Variants in NOTCH2 observed in about 807,000 individuals in gnomAD.
NOTCH2 encodes the protein neurogenic locus notch homolog protein 2.
A neutral mutation model predicts 235.8 loss-of-function variants in NOTCH2; 29 were observed. That is an observed-to-expected ratio of 0.12 (90% confidence interval 0.09 to 0.17). NOTCH2 has a LOEUF of 0.17. Ranked by LOEUF, NOTCH2 falls within the 10% of genes least tolerant of loss-of-function variation. The pLI is 1.00. For synonymous variants in NOTCH2, 1,086 were observed against 1,141.5 expected (o/e 0.95, Z 0.98); for missense variants, 2,285 against 3,150.2 (o/e 0.73, Z 6.57).
chr1:120,006,748 C>G (rs587707592), intron 2 of NOTCH2, among the ~76,000 whole-genome samples: 2 of 151,850 alleles, frequency 1.3e-5, no homozygotes, highest in African/African-American at 4.8e-5. Context: ...CTCTAAATCC[C>G]CCTCTCAAAA....
chr1:119,927,722 T>A (rs1649521341), intron 23 of NOTCH2, among the ~76,000 whole-genome samples: 1 of 152,202 alleles, frequency 6.6e-6, no homozygotes, highest in Non-Finnish European at 1.5e-5. Context: ...GCTTTCAAAG[T>A]GCAGTTTGGC....
chr1:119,971,312 C>T (rs1651352303), intron 5 of NOTCH2, among the ~76,000 whole-genome samples: 1 of 152,196 alleles, frequency 6.6e-6, no homozygotes, highest in Admixed American at 6.5e-5. Flanking sequence ...CCCTTCCATG[C>T]TCTTCTCCTA....
At chr1:120,047,638 C>T (rs1221418096) in intron 1 of NOTCH2, among the ~76,000 whole-genome samples, 5 of 141,938 alleles carry the variant, frequency 3.5e-5, no homozygotes, top group Non-Finnish European at 6.1e-5. Context: ...AAGCCAACAT[C>T]GCACCACTGC....
rs1227745892 is a variant in NOTCH2 at position 120,045,987 on chromosome 1, G to A, written c.74-16000C>T. Among the ~76,000 whole-genome samples, 8 of 152,328 alleles carry A rather than the reference G, an allele frequency of 5.3e-5. No homozygotes were observed. In the East Asian group the frequency reaches 1.3e-3, roughly 26 times the overall value. ...TAAGCTTTACTTAGAGTTAACATAT[G>A]CATACATGGTTTAATAGCCAGACAT... On this transcript the variant is annotated intron_variant, in intron 1 of 33. Transcript: ENST00000256646.
chr1:119,948,277 T>C (rs1650332677), intron 17 of NOTCH2, 137 bp downstream of exon 17: 2 of 870,026 alleles, frequency 2.3e-6, no homozygotes, highest in Non-Finnish European at 3.8e-6. Flanking sequence ...GTTAAAACAC[T>C]ACTGTTAAAT....
rs587599957 is a variant in NOTCH2 at position 119,971,294 on chromosome 1, C to A, written c.875-1550G>T. Among the ~76,000 whole-genome samples the A allele has an allele frequency of 1.6e-4, 25 of 152,334 alleles. No homozygotes were observed. The East Asian group carries it at 4.4e-3, about 27-fold the overall frequency. ...GTGGATGTCTCCGGAACTCCGTGCTCGGCATAACCCTTCCATGCTCTTCTC... is the reference window on the plus strand; with the variant it reads ...GTGGATGTCTCCGGAACTCCGTGCTAGGCATAACCCTTCCATGCTCTTCTC... On this transcript the variant is annotated intron_variant, in intron 5 of 33. Coordinates refer to ENST00000256646, the MANE Select transcript of NOTCH2 (RefSeq NM_024408.4).
At chr1:119,953,044 G>A (rs1380228670) in intron 14 of NOTCH2, among the ~76,000 whole-genome samples, 2 of 152,168 alleles carry the variant, frequency 1.3e-5, no homozygotes, top group Non-Finnish European at 2.9e-5. Context: ...GGGTGCGGTG[G>A]CTCACGCCTG....
At chr1:119,959,195 CTAAT>C (rs1299581537) in intron 12 of NOTCH2, among the ~76,000 whole-genome samples, 193 bp downstream of exon 12, 1 of 152,108 alleles carries the variant, frequency 6.6e-6, no homozygotes, top group African/African-American at 2.4e-5. Context: ...TCGAAAAACT[CTAAT>C]TAATGAAAAG....
intron 17 of NOTCH2, among the ~76,000 whole-genome samples, chr1:119,945,944 C>T (rs1269799117): frequency 1.3e-5 from 2 of 151,990 alleles, no homozygotes; most frequent in African/African-American, 4.8e-5. Context: ...GCAAAACAGA[C>T]ATTCTTCCCT....
intron 10 of NOTCH2, among the ~76,000 whole-genome samples, chr1:119,964,197 T>G (rs1553199375): frequency 2.0e-5 from 3 of 152,204 alleles, no homozygotes; most frequent in Non-Finnish European, 1.5e-5. Flanking sequence ...ATGTATCTTA[T>G]GTCCCCAATT....
intron 2 of NOTCH2, among the ~76,000 whole-genome samples, chr1:120,023,967 C>T (rs1207734739): frequency 1.3e-5 from 2 of 152,008 alleles, no homozygotes; most frequent in Non-Finnish European, 2.9e-5. Context: ...CAATAAATAA[C>T]TCTTGAATTA....
intron 11 of NOTCH2, among the ~76,000 whole-genome samples, chr1:119,961,119 G>A (rs1650920936): frequency 6.6e-6 from 1 of 151,976 alleles, no homozygotes; most frequent in Admixed American, 6.6e-5. Flanking sequence ...CAGACAACAG[G>A]GCTGACCTGC....
chr1:119,916,127 G>A lies in NOTCH2; in HGVS notation c.6595C>T (p.Leu2199=). The A allele has an allele frequency of 6.2e-7, 1 of 1,614,182 alleles. No homozygotes were observed. The highest frequency in any genetic ancestry group is 1.1e-5 in the South Asian group (1 of 91,088). ...PPAPVHAQHA[L]SFSNLHEMQP... ...ATTTCATGAAGGTTAGAAAAAGATA[G>A]TGCATGCTGGGCATGGACTGGGGCA... Residue 2199 remains leucine, a synonymous_variant, in exon 34 of 34, where the codon CTA becomes TTA. Coordinates refer to ENST00000256646, the MANE Select transcript of NOTCH2 (RefSeq NM_024408.4).
chr1:119,957,272 T>C (rs782260854), intron 12 of NOTCH2, among the ~76,000 whole-genome samples: 47 of 152,214 alleles, frequency 3.1e-4, no homozygotes, highest in Non-Finnish European at 5.6e-4. Context: ...AGTTGCCTTA[T>C]TTGTTAAACG....
At chr1:119,929,263 T>C in intron 22 of NOTCH2, 51 bp from the exon 23 acceptor site, 1 of 1,494,794 alleles carries the variant, frequency 6.7e-7, no homozygotes, top group Non-Finnish European at 9.3e-7. Context: ...TTAACCTGCT[T>C]TCCAGCAAGG....
Position 119,967,638 on chromosome 1 carries a change from C to G in NOTCH2, c.1265-17G>C, listed in dbSNP as rs782463239. ...TGCTATTGGCTGAAAGACACAAGTA[C>G]CAATTACTGGGATCAAAGCAGTTGA... On this transcript the variant is annotated splice_polypyrimidine_tract_variant and intron_variant, in intron 7 of 33. Coordinates refer to ENST00000256646, the MANE Select transcript of NOTCH2 (RefSeq NM_024408.4). The G allele has an allele frequency of 1.4e-5, 22 of 1,612,328 alleles. No homozygotes were observed. The highest frequency in any genetic ancestry group is 1.9e-5 in the Non-Finnish European group (22 of 1,178,428).
At chr1:120,039,209 TTTAA>T (rs1191910557) in intron 1 of NOTCH2, among the ~76,000 whole-genome samples, 1 of 152,184 alleles carries the variant, frequency 6.6e-6, no homozygotes, top group African/African-American at 2.4e-5. Context: ...TATCTAGAAA[TTTAA>T]TTATTCTCTA....
chr1:120,015,354 G>A (rs1452771705), intron 2 of NOTCH2, among the ~76,000 whole-genome samples: 14 of 152,182 alleles, frequency 9.2e-5, no homozygotes, highest in East Asian at 3.9e-4. Context: ...GAGCTCTAGA[G>A]GGGGGAGCTG....
chr1:119,998,028 T>C (rs1350813823), intron 3 of NOTCH2, among the ~76,000 whole-genome samples: 1 of 146,114 alleles, frequency 6.8e-6, no homozygotes. Context: ...GAACTCTCCC[T>C]ATCTTGGCAA....
Sources: gnomAD v4.1 joint callset for allele counts (sites outside exome capture counted in the v4.1 genomes callset) on GRCh38, gnomAD v4.1.1 for gene constraint, MANE v1.5 for transcripts, NCBI Gene and HGNC (gene_info 2026-07-23, HGNC 2026-07-21) for gene names.